Variants in UBE2L3 observed in about 807,000 individuals in gnomAD.
UBE2L3 encodes the protein ubiquitin conjugating enzyme E2 L3.
In UBE2L3, 1 loss-of-function variant was observed where a neutral mutation model predicts 17.8. The observed-to-expected ratio is 0.06, with a 90% confidence interval of 0.02 to 0.27. The LOEUF (loss-of-function observed/expected upper bound fraction) is 0.27, where lower values mean the gene tolerates loss of function less well. UBE2L3 is among the 10% of genes least tolerant of loss of function. The probability of loss-of-function intolerance (pLI) is 1.00; values close to 1 mark genes in which losing one functional copy is unlikely to be tolerated. For synonymous variants in UBE2L3, 44 were observed against 68.5 expected, an observed-to-expected ratio of 0.64 and a Z score of 1.76; for missense variants, 40 against 192.6, an observed-to-expected ratio of 0.21 and a Z score of 4.69.
upstream of UBE2L3, among the ~76,000 whole-genome samples, chr22:21,562,750 C>T (rs1601385414): frequency 6.7e-6 from 1 of 149,254 alleles, no homozygotes; most frequent in Middle Eastern, 3.4e-3. Context: ...CGTGATCCAC[C>T]TGCCTCGGCC....
chr22:21,596,564 CCTTGCTCTG>C (rs1482563020), intron 2 of UBE2L3, among the ~76,000 whole-genome samples: 2 of 151,874 alleles, frequency 1.3e-5, no homozygotes, highest in Non-Finnish European at 2.9e-5. Context: ...TGAGACAGAG[CCTTGCTCTG>C]TTGCCCAGGC....
At chr22:21,569,397 A>G (rs955268634) in intron 1 of UBE2L3, among the ~76,000 whole-genome samples, 1 of 76,078 alleles carries the variant, frequency 1.3e-5, no homozygotes, top group Non-Finnish European at 2.4e-5. Context: ...CTCCATGTCA[A>G]AAAAAAAAAA....
At chr22:21,602,225 T>TTCAGTCCATCTGAAGCCTGGCATGA (rs1218163688) in intron 2 of UBE2L3, among the ~76,000 whole-genome samples, 1 of 152,166 alleles carries the variant, frequency 6.6e-6, no homozygotes, top group African/African-American at 2.4e-5. Context: ...CACAGGACCC[T>TTCAGTCCATCTGAAGCCTGGCATGA]TCAGTCCATC....
chr22:21,597,775 ATTTTTTTTTTTTTT>A lies in UBE2L3; in HGVS notation c.123+4838_123+4851del, dbSNP rs35054754. Reference sequence around the variant, plus strand: ...GGATCTTTGATCCATTTATATGTAGATTTTTTTTTTTTTTTTTTTTTTTTTTTTTTTTGAGACAG... The same window carrying A: ...GGATCTTTGATCCATTTATATGTAGATTTTTTTTTTTTTTTTTTGAGACAG... On this transcript the variant is annotated intron_variant, in intron 2 of 3. Coordinates refer to ENST00000342192, the MANE Select transcript of UBE2L3 (RefSeq NM_003347.4). Among the ~76,000 whole-genome samples the A allele has an allele frequency of 6.6e-4, 17 of 25,602 alleles. No homozygotes were observed. In the East Asian group the frequency reaches 0.011, roughly 17 times the overall value. 16.8% of individuals were successfully genotyped at this position (25,602 alleles called of 152,430 possible). A position where few individuals can be genotyped will look rare whatever the true frequency, so the allele number is the denominator to read the frequency against.
chr22:21,613,824 A>G (rs1017730773), intron 3 of UBE2L3, among the ~76,000 whole-genome samples: 1 of 152,150 alleles, frequency 6.6e-6, no homozygotes, highest in Non-Finnish European at 1.5e-5. Flanking sequence ...GGTATTAGCT[A>G]AGGCACTTCG....
intron 1 of UBE2L3, among the ~76,000 whole-genome samples, chr22:21,586,110 A>T (rs150165916): frequency 2.0e-4 from 31 of 151,654 alleles, no homozygotes; most frequent in African/African-American, 7.3e-4. Flanking sequence ...TAATTTTTTA[A>T]TTTTTTTATT....
chr22:21,610,728 C>G lies in UBE2L3; in HGVS notation c.124-129C>G. The G allele has an allele frequency of 2.9e-6, 3 of 1,038,220 alleles. No homozygotes were observed. The East Asian group carries it at 8.5e-5, about 29-fold the overall frequency. The allele number at this position is 1,038,220 out of a possible 1,614,324, so 64.3% of individuals were successfully genotyped here. A position where few individuals can be genotyped will look rare whatever the true frequency, so the allele number is the denominator to read the frequency against. The stretch of plus-strand genomic sequence containing the variant: ...GGTGGCTGGGTTGTCCTGAAGGTGG[C>G]AGGGCTTCAGTTGATACTTGAATCC... On this transcript the variant is annotated intron_variant, in intron 2 of 3. Coordinates refer to ENST00000342192, the MANE Select transcript of UBE2L3 (RefSeq NM_003347.4).
intron 2 of UBE2L3, among the ~76,000 whole-genome samples, chr22:21,601,710 G>A (rs934764897): frequency 1.3e-5 from 2 of 150,240 alleles, no homozygotes; most frequent in Non-Finnish European, 3.0e-5. Flanking sequence ...GCTCACTCAC[G>A]CCTGTAATCC....
At chr22:21,615,228 T>C (rs1250495390) in intron 3 of UBE2L3, among the ~76,000 whole-genome samples, 2 of 151,454 alleles carry the variant, frequency 1.3e-5, no homozygotes, top group Non-Finnish European at 2.9e-5. Flanking sequence ...TAAAAAGCAA[T>C]GAAGTACTGT....
intron 1 of UBE2L3, among the ~76,000 whole-genome samples, chr22:21,584,646 G>C (rs1434851484): frequency 6.6e-6 from 1 of 150,840 alleles, no homozygotes; most frequent in East Asian, 2.0e-4. Context: ...GGCCCAGGCT[G>C]GTCTCCAACT....
chr22:21,617,910 G>A (rs1929856496), intron 3 of UBE2L3, among the ~76,000 whole-genome samples: 3 of 152,214 alleles, frequency 2.0e-5, no homozygotes, highest in Admixed American at 2.0e-4. Context: ...GGCCGGGCAT[G>A]GTGGCTCATG....
At position 21,557,095 on chromosome 22, in the gene UBE2L3, C is replaced by T. The variant is rs570049264; in HGVS notation, c.201+7445C>T. Among the ~76,000 whole-genome samples the T allele has an allele frequency of 1.9e-3, 291 of 152,332 alleles. 3 individuals are homozygous for T. The highest frequency in any genetic ancestry group is 6.5e-3 in the African/African-American group (270 of 41,570). On this transcript the variant is annotated intron_variant, in intron 1 of 3. Coordinates refer to the UBE2L3 transcript ENST00000458578. The stretch of plus-strand genomic sequence containing the variant: ...AAAATTAACAACAGGCCAGATGTGA[C>T]GGCTCATGCCTGTAATTCCACCACT...
chr22:21,585,723 A>T (rs1329732218), intron 1 of UBE2L3, among the ~76,000 whole-genome samples: 2 of 152,172 alleles, frequency 1.3e-5, no homozygotes, highest in Non-Finnish European at 2.9e-5. Flanking sequence ...AGTTAGGGAC[A>T]TCCTTCCAGA....
chr22:21,595,851 C>T (rs183787510), intron 2 of UBE2L3, among the ~76,000 whole-genome samples: 2 of 152,172 alleles, frequency 1.3e-5, no homozygotes, highest in African/African-American at 2.4e-5. Context: ...CATACTTCCT[C>T]TCAGCCTTTT....
At chr22:21,600,389 C>A (rs1928790821) in intron 2 of UBE2L3, among the ~76,000 whole-genome samples, 1 of 151,214 alleles carries the variant, frequency 6.6e-6, no homozygotes, top group African/African-American at 2.4e-5. Context: ...CGATTGAACT[C>A]TTTAGTGTTG....
At chr22:21,559,862 G>A (rs1033012286) in intron 1 of UBE2L3, among the ~76,000 whole-genome samples, 2 of 152,294 alleles carry the variant, frequency 1.3e-5, no homozygotes, top group Non-Finnish European at 2.9e-5. Context: ...CTGAGTTCCA[G>A]TGGAGTTCCT....
chr22:21,600,278 G>A (rs1928783601), intron 2 of UBE2L3, among the ~76,000 whole-genome samples: 1 of 152,044 alleles, frequency 6.6e-6, no homozygotes, highest in African/African-American at 2.4e-5. Flanking sequence ...GTGCCATTGT[G>A]TTCCAGCCTG....
chr22:21,588,926 T>G (rs1411415478), intron 1 of UBE2L3, among the ~76,000 whole-genome samples: 1 of 151,876 alleles, frequency 6.6e-6, no homozygotes, highest in East Asian at 1.9e-4. Context: ...CCTCTTAAAG[T>G]GTTGGGATTA....
chr22:21,594,758 G>A (rs139033931), intron 2 of UBE2L3, among the ~76,000 whole-genome samples: 2 of 152,294 alleles, frequency 1.3e-5, no homozygotes, highest in East Asian at 3.9e-4. Context: ...GGAGGGGTTG[G>A]CCTGTGAGTG....
Sources: gnomAD v4.1 joint callset for allele counts (sites outside exome capture counted in the v4.1 genomes callset) on GRCh38, gnomAD v4.1.1 for gene constraint, MANE v1.5 for transcripts, NCBI Gene and HGNC (gene_info 2026-07-23, HGNC 2026-07-21) for gene names.